Variants in TMEM117 observed in about 807,000 individuals in gnomAD.
TMEM117 encodes transmembrane protein 117.
Under a neutral mutation model 52.4 loss-of-function variants are expected in TMEM117, and 27 were observed. That is an observed-to-expected ratio of 0.51 (90% CI 0.38 to 0.71). TMEM117 has a LOEUF of 0.71. Among genes scored for constraint, TMEM117 ranks in the 30% least tolerant of loss-of-function variants. TMEM117 has a pLI of 0.00. For missense variants in TMEM117, 556 were observed against 630.5 expected, an observed-to-expected ratio of 0.88 and a Z score of 1.26; for synonymous variants, 215 against 206.3, an observed-to-expected ratio of 1.04 and a Z score of -0.36.
intron 3 of TMEM117, among the ~76,000 whole-genome samples, chr12:43,952,580 C>G (rs1214035156): frequency 6.6e-6 from 1 of 151,398 alleles, no homozygotes; most frequent in Non-Finnish European, 1.5e-5. Context: ...GGCAGGCAGA[C>G]AAGATTAGAG....
intron 5 of TMEM117, among the ~76,000 whole-genome samples, chr12:44,293,493 CCTTT>C (rs1271249165): frequency 6.6e-6 from 1 of 151,828 alleles, no homozygotes; most frequent in Non-Finnish European, 1.5e-5. Flanking sequence ...TTCTTCTGTT[CCTTT>C]CTTTTTCTCC....
At chr12:44,149,258 TTGAGTCATG>T in intron 4 of TMEM117, among the ~76,000 whole-genome samples, 1 of 152,342 alleles carries the variant, frequency 6.6e-6, no homozygotes, top group Non-Finnish European at 1.5e-5. Flanking sequence ...GATATGTCCC[TTGAGTCATG>T]TGAGCAAGAA....
chr12:44,039,774 C>T (rs895327351), intron 3 of TMEM117, among the ~76,000 whole-genome samples: 47 of 151,998 alleles, frequency 3.1e-4, no homozygotes, highest in African/African-American at 9.4e-4. Context: ...TAAAAAGAAA[C>T]GCCACCCTCT....
chr12:43,817,740 A>T, the TMEM117 span, among the ~76,000 whole-genome samples: 4 of 152,178 alleles, frequency 2.6e-5, no homozygotes, highest in African/African-American at 9.6e-5. Context: ...ATAAAAATAC[A>T]CTTCTTTTCT....
intron 6 of TMEM117, among the ~76,000 whole-genome samples, chr12:44,304,943 A>G (rs1468765419): frequency 6.6e-6 from 1 of 152,150 alleles, no homozygotes; most frequent in Non-Finnish European, 1.5e-5. Context: ...AGTGAAGAGT[A>G]AAGGGAACTT....
At chr12:44,114,990 A>G (rs1330607851) in intron 3 of TMEM117, among the ~76,000 whole-genome samples, 2 of 152,168 alleles carry the variant, frequency 1.3e-5, no homozygotes, top group African/African-American at 2.4e-5. Context: ...TTATGAATGA[A>G]TTTTCAGAAA....
At chr12:44,133,771 A>G (rs1948449348) in intron 3 of TMEM117, among the ~76,000 whole-genome samples, 1 of 152,144 alleles carries the variant, frequency 6.6e-6, no homozygotes, top group Admixed American at 6.6e-5. Flanking sequence ...AGGTATGGCC[A>G]AGCACAAATG....
intron 3 of TMEM117, among the ~76,000 whole-genome samples, chr12:43,970,153 G>T (rs11182359): frequency 0.045 from 6,778 of 152,114 alleles, 209 homozygotes; most frequent in Non-Finnish European, 0.069. Context: ...TCACCGTCTT[G>T]GTTATCAGAT....
Position 44,102,826 on chromosome 12 carries a change from G to A in TMEM117, c.411-40699G>A, listed in dbSNP as rs142117543. Among the ~76,000 whole-genome samples, 356 of 152,092 alleles carry A rather than the reference G, an allele frequency of 2.3e-3. 12 individuals are homozygous for A. The East Asian group carries it at 0.035, about 15-fold the overall frequency. On this transcript the variant is annotated intron_variant, in intron 3 of 7. Coordinates refer to ENST00000266534, the MANE Select transcript of TMEM117 (RefSeq NM_032256.3). ...TTGTTGTGGGAGGGACCCAGTGGGA[G>A]GTAATTGAATCATGGGAGTGGTTAC...
chr12:44,086,540 G>T (rs1392035061), intron 3 of TMEM117, among the ~76,000 whole-genome samples: 3 of 151,952 alleles, frequency 2.0e-5, no homozygotes. Flanking sequence ...TGCCTCCATT[G>T]TACTTTGGTC....
chr12:44,254,017 A>T (rs948950854), intron 5 of TMEM117, among the ~76,000 whole-genome samples: 5 of 151,706 alleles, frequency 3.3e-5, no homozygotes, highest in African/African-American at 1.2e-4. Context: ...TGACCAAAAA[A>T]AAAAAAAAAA....
chr12:43,964,538 C>A (rs186517857), intron 3 of TMEM117, among the ~76,000 whole-genome samples: 1 of 152,120 alleles, frequency 6.6e-6, no homozygotes, highest in Non-Finnish European at 1.5e-5. Context: ...AAAAATCATC[C>A]CATCTATGGC....
rs370488403 is a variant in TMEM117 at position 44,368,323 on chromosome 12, T to C, written c.769-8272T>C. 3.3e-4 allele frequency among the ~76,000 whole-genome samples: 50 copies of C among 152,266 alleles called. No homozygotes were observed. The South Asian group carries it at 9.7e-3, about 30-fold the overall frequency. On this transcript the variant is annotated intron_variant, in intron 6 of 7. Transcript: ENST00000266534. ...TTTCTGTTTGGTCTGTCTCCCCAAATAGAATATATCCTCCATAAGACATTC... is the reference window on the plus strand; with the variant it reads ...TTTCTGTTTGGTCTGTCTCCCCAAACAGAATATATCCTCCATAAGACATTC...
chr12:44,052,813 C>T (rs1382584955), intron 3 of TMEM117, among the ~76,000 whole-genome samples: 1 of 152,198 alleles, frequency 6.6e-6, no homozygotes, highest in Non-Finnish European at 1.5e-5. Flanking sequence ...GCCAGACAGT[C>T]TCTTCCGCTT....
intron 5 of TMEM117, among the ~76,000 whole-genome samples, chr12:44,291,411 G>T (rs1950704090): frequency 1.6e-5 from 2 of 121,902 alleles, no homozygotes; most frequent in Non-Finnish European, 1.7e-5. Context: ...GGAGTCTTTA[G>T]GGTTTCCTGT....
intron 4 of TMEM117, among the ~76,000 whole-genome samples, chr12:44,161,846 G>A (rs1181489745): frequency 2.0e-5 from 3 of 152,100 alleles, no homozygotes; most frequent in Non-Finnish European, 4.4e-5. Flanking sequence ...GGTGTACCAA[G>A]TGACAAGTTG....
At chr12:44,048,619 C>G (rs564113600) in intron 3 of TMEM117, among the ~76,000 whole-genome samples, 46 of 152,282 alleles carry the variant, frequency 3.0e-4, no homozygotes, top group African/African-American at 1.0e-3. Flanking sequence ...AAGGGCAGAA[C>G]TGAGGCTACA....
chr12:43,926,479 A>C (rs1944780441), intron 2 of TMEM117, among the ~76,000 whole-genome samples: 1 of 152,220 alleles, frequency 6.6e-6, no homozygotes, highest in Non-Finnish European at 1.5e-5. Context: ...TCAGATTTAA[A>C]TTCACATTAG....
At chr12:44,299,300 T>A (rs1217768511) in intron 5 of TMEM117, among the ~76,000 whole-genome samples, 1 of 151,974 alleles carries the variant, frequency 6.6e-6, no homozygotes, top group African/African-American at 2.4e-5. Flanking sequence ...TTGGCTAATT[T>A]TTTTGTATTT....
Sources: gnomAD v4.1 joint callset for allele counts (sites outside exome capture counted in the v4.1 genomes callset) on GRCh38, gnomAD v4.1.1 for gene constraint, MANE v1.5 for transcripts, NCBI Gene and HGNC (gene_info 2026-07-23, HGNC 2026-07-21) for gene names.